Variants in CAPN2 observed in about 807,000 individuals in gnomAD.
CAPN2 encodes the protein calpain-2 catalytic subunit.
A neutral mutation model predicts 102.3 loss-of-function variants in CAPN2; 92 were observed. The ratio of observed to expected loss-of-function variants is 0.90; its 90% CI spans 0.76 to 1.07. The LOEUF (loss-of-function observed/expected upper bound fraction) is 1.07, where lower values mean the gene tolerates loss of function less well. CAPN2 is among the 50% of genes least tolerant of loss of function. The pLI is 0.00. For missense variants in CAPN2, 800 were observed against 909.4 expected, an observed-to-expected ratio of 0.88 and a Z score of 1.55; for synonymous variants, 340 against 355.4, an observed-to-expected ratio of 0.96 and a Z score of 0.49.
chr1:223,717,989 G>C (rs1227228662), intron 2 of CAPN2, among the ~76,000 whole-genome samples, 158 bp downstream of exon 2: 1 of 152,248 alleles, frequency 6.6e-6, no homozygotes, highest in Admixed American at 6.5e-5. Context: ...AGCGGGCAAT[G>C]ATTCTACCCT....
intron 6 of CAPN2, 81 bp from the exon 7 acceptor site, chr1:223,750,809 G>A (rs934593654): frequency 1.4e-5 from 18 of 1,315,832 alleles, no homozygotes; most frequent in South Asian, 6.3e-5. Context: ...TGGCTCATGC[G>A]GAAGGGGGTT....
At chr1:223,772,469 A>C in intron 20 of CAPN2, 1 of 509,908 alleles carries the variant, frequency 2.0e-6, no homozygotes, top group Admixed American at 3.4e-5. Flanking sequence ...TCTTCTCATG[A>C]GCTTTGACTT....
At position 223,772,185 on chromosome 1, in the gene CAPN2, A is replaced by G. The variant is rs1431209025; in HGVS notation, c.2025A>G (p.Ile675Met). 1.2e-6 allele frequency: 2 copies of G among 1,614,038 alleles called. No individual in the cohort carries two copies. Among genetic ancestry groups the G allele is most frequent in the South Asian group, 2.2e-5 (2 of 91,078 alleles). The change falls in exon 20 of 21, where the codon ATA becomes ATG. Residue 675 changes from isoleucine (I) to methionine (M), a missense_variant. Physicochemically the swap from Ile to Met is conservative, Grantham distance 10. Transcript: ENST00000295006. ...CLVRLETLFK[I>M]FKQLDPENTG... is the part of the protein sequence containing the mutation. The stretch of plus-strand genomic sequence containing the variant: ...CCTCTTTTTCTCCCTCCACAGAGAT[A>G]TTTAAGCAGCTGGATCCCGAGAATA...
Position 223,756,868 on chromosome 1 carries a change from G to A in CAPN2, c.1306-501G>A, listed in dbSNP as rs1322497368. 1.3e-5 allele frequency among the ~76,000 whole-genome samples: 2 copies of A among 152,224 alleles called. No homozygotes were observed. The highest frequency in any genetic ancestry group is 2.4e-5 in the African/African-American group (1 of 41,452). On this transcript the variant is annotated intron_variant, in intron 10 of 20. Coordinates refer to ENST00000295006, the MANE Select transcript of CAPN2 (RefSeq NM_001748.5). This position sits in a 1 kb window ranked among gnomAD's most constrained non-coding sequence, Gnocchi z 4.1. ...TATGGGCTTGGAAATGCAGCCACGG[G>A]CTTTCAGAGTTGGGACGGACCTTGG...
In CAPN2 at chr1:223,757,507, A is replaced by C. The variant is rs1474781815; in HGVS notation, c.1317+127A>C. 6 of 1,000,738 alleles carry C rather than the reference A, an allele frequency of 6.0e-6. No homozygotes were observed. In the Admixed American group the frequency reaches 7.3e-5, roughly 12 times the overall value. The allele number at this position is 1,000,738 out of a possible 1,614,324, so 62.0% of individuals were successfully genotyped here. A position where few individuals can be genotyped will look rare whatever the true frequency, so the allele number is the denominator to read the frequency against. On this transcript the variant is annotated intron_variant, in intron 11 of 20. Transcript: ENST00000295006. ...TGGTCATGAAGGATGAGTCCTGGCC[A>C]CCCCTGGGGCCCTGCTGAAGTTGCC...
Position 223,737,722 on chromosome 1 carries a change from A to T in CAPN2, c.308-6378A>T, listed in dbSNP as rs1442447718. Reference sequence around the variant, plus strand: ...AGAGACGGGGCGGGGGGTGGGGGGGAGAGAATACAATAACACCATGTACTG... The same window carrying T: ...AGAGACGGGGCGGGGGGTGGGGGGGTGAGAATACAATAACACCATGTACTG... On this transcript the variant is annotated intron_variant, in intron 2 of 20. Coordinates refer to ENST00000295006, the MANE Select transcript of CAPN2 (RefSeq NM_001748.5). Among the ~76,000 whole-genome samples the T allele has an allele frequency of 9.4e-3, 24 of 2,550 alleles. 1 individual carries two copies. The highest frequency in any genetic ancestry group is 0.031 in the South Asian group (1 of 32). 1.7% of individuals were successfully genotyped at this position (2,550 alleles called of 152,430 possible).
intron 8 of CAPN2, among the ~76,000 whole-genome samples, 171 bp from the exon 9 acceptor site, chr1:223,752,625 C>T (rs1459174026): frequency 1.3e-5 from 2 of 152,204 alleles, no homozygotes; most frequent in East Asian, 1.9e-4. Flanking sequence ...AAAGTTGCAG[C>T]GCCAGGACTG....
At chr1:223,764,082 T>C in intron 14 of CAPN2, 68 bp from the exon 15 acceptor site, 1 of 1,212,860 alleles carries the variant, frequency 8.2e-7, no homozygotes, top group African/African-American at 1.5e-5. Flanking sequence ...AATGCACTGG[T>C]GTCCTGCCCT....
intron 7 of CAPN2, 34 bp downstream of exon 7, chr1:223,751,009 G>C: frequency 6.7e-7 from 1 of 1,500,116 alleles, no homozygotes; most frequent in African/African-American, 1.4e-5. Flanking sequence ...GCCCCAGGCG[G>C]GGGTGCATTG....
chr1:223,728,575 G>C (rs1274234957), intron 2 of CAPN2, among the ~76,000 whole-genome samples: 2 of 152,138 alleles, frequency 1.3e-5, no homozygotes, highest in Non-Finnish European at 2.9e-5. Context: ...AGAGTGGCAG[G>C]GTTCTGGAAG....
chr1:223,708,378 C>T (rs139685310), upstream of CAPN2, among the ~76,000 whole-genome samples: 438 of 148,830 alleles, frequency 2.9e-3, no homozygotes, highest in African/African-American at 0.01. Flanking sequence ...GAGCCAAGAT[C>T]GCGCCATTGC....
At chr1:223,746,090 C>T (rs187350675) in intron 4 of CAPN2, among the ~76,000 whole-genome samples, 49 of 152,268 alleles carry the variant, frequency 3.2e-4, no homozygotes, top group Non-Finnish European at 1.8e-4. Flanking sequence ...TTGGCTGTGC[C>T]GCCCGGCTCC....
intron 8 of CAPN2, 32 bp downstream of exon 8, chr1:223,752,103 T>G (rs772216587): frequency 8.3e-6 from 12 of 1,450,060 alleles, no homozygotes; most frequent in South Asian, 2.3e-5. Context: ...GGGAAAGCTC[T>G]GTCTGCCCCA....
chr1:223,757,332 T>C, intron 10 of CAPN2, 37 bp from the exon 11 acceptor site: 1 of 1,613,942 alleles, frequency 6.2e-7, no homozygotes, highest in Non-Finnish European at 8.5e-7. Flanking sequence ...TTACACTGCT[T>C]TTCCGGCATC....
intron 1 of CAPN2, among the ~76,000 whole-genome samples, chr1:223,706,751 G>A (rs1224446533): frequency 6.6e-6 from 1 of 152,208 alleles, no homozygotes. Context: ...CTGACACGTG[G>A]AGGTGCAAAA....
chr1:223,750,348 T>A (rs1660855193), intron 6 of CAPN2, among the ~76,000 whole-genome samples: 1 of 152,224 alleles, frequency 6.6e-6, no homozygotes, highest in African/African-American at 2.4e-5. Flanking sequence ...TCCCTATGAA[T>A]AAGGACATTC....
At chr1:223,750,020 T>A (rs1660847218) in intron 6 of CAPN2, among the ~76,000 whole-genome samples, 2 of 151,836 alleles carry the variant, frequency 1.3e-5, no homozygotes, top group African/African-American at 4.8e-5. Context: ...AAAAAAAAAA[T>A]TATCAAGCAA....
intron 2 of CAPN2, 122 bp downstream of exon 2, chr1:223,717,953 G>A (rs1230718713): frequency 1.4e-6 from 1 of 737,344 alleles, no homozygotes; most frequent in East Asian, 2.7e-5. Flanking sequence ...TATTTGCAGA[G>A]AAGCTCCATG....
chr1:223,709,933 T>C (rs542683396), upstream of CAPN2, among the ~76,000 whole-genome samples: 4 of 152,212 alleles, frequency 2.6e-5, no homozygotes, highest in Non-Finnish European at 4.4e-5. Flanking sequence ...CTTAGGTAAC[T>C]ATACATTGCT....
Sources: gnomAD v4.1 joint callset for allele counts (sites outside exome capture counted in the v4.1 genomes callset) on GRCh38, gnomAD v4.1.1 for gene constraint, Gnocchi (gnomAD v3.1) non-coding constraint, MANE v1.5 for transcripts, NCBI Gene and HGNC (gene_info 2026-07-23, HGNC 2026-07-21) for gene names.